The following RDX variants were observed in gnomAD, a reference collection of about 807,000 sequenced individuals.
RDX encodes the protein radixin.
Under a neutral mutation model 83.7 loss-of-function variants are expected in RDX, and 32 were observed. That is an observed-to-expected ratio of 0.38 (90% CI 0.29 to 0.51). The LOEUF (loss-of-function observed/expected upper bound fraction) is 0.51, where lower values mean the gene tolerates loss of function less well. RDX is among the 20% of genes least tolerant of loss of function. The probability of loss-of-function intolerance (pLI) is 0.87; values close to 1 mark genes in which losing one functional copy is unlikely to be tolerated. For missense variants in RDX, 600 were observed against 689.9 expected, an observed-to-expected ratio of 0.87 and a Z score of 1.46; for synonymous variants, 229 against 222.7, an observed-to-expected ratio of 1.03 and a Z score of -0.25.
At chr11:110,293,911 T>C (rs552739179) in intron 1 of RDX, among the ~76,000 whole-genome samples, 87 of 152,362 alleles carry the variant, frequency 5.7e-4, no homozygotes, top group Non-Finnish European at 9.1e-4. Flanking sequence ...TTTTAAACAT[T>C]AGTAGCATAA....
intron 15 of RDX, among the ~76,000 whole-genome samples, chr11:110,176,783 T>C (rs1862782186): frequency 2.0e-5 from 3 of 152,192 alleles, no homozygotes; most frequent in African/African-American, 7.2e-5. Context: ...CCACAGCTTG[T>C]GCTCCTTGAA....
chr11:110,186,182 C>G (rs12419087), intron 15 of RDX, among the ~76,000 whole-genome samples: 73,685 of 151,978 alleles, frequency 0.48, 17,992 homozygotes, highest in East Asian at 0.61. Context: ...GCAATTCACG[C>G]GTGAAGAAAA....
Position 110,247,716 on chromosome 11 carries a change from A to G in RDX, c.1077T>C (p.Ile359=), listed in dbSNP as rs780179701. The G allele has an allele frequency of 6.2e-5, 100 of 1,612,098 alleles. No homozygotes were observed. In the Middle Eastern group the frequency reaches 9.9e-4, roughly 16 times the overall value. ...ERLKQIEEQT[I]KAQKELEEQT... ...AGAAACTTTTACCTTTCTGAGCTTT[A>G]ATTGTCTGCTCTTCAATTTGTTTTA... is the stretch of plus-strand genomic sequence containing the variant. The change falls in exon 10 of 14, where the codon ATT becomes ATC. Residue 359 remains isoleucine (I), a synonymous_variant. Coordinates refer to ENST00000645495, the MANE Select transcript of RDX (RefSeq NM_002906.4).
downstream of RDX, among the ~76,000 whole-genome samples, chr11:110,225,879 T>C (rs954779673): frequency 6.7e-6 from 1 of 150,340 alleles, no homozygotes; most frequent in Non-Finnish European, 1.5e-5. Flanking sequence ...AAATCCTGTC[T>C]CTACTAAAAA....
chr11:110,180,026 T>G (rs1381143555), intron 15 of RDX: 1 of 312,454 alleles, frequency 3.2e-6, no homozygotes, highest in Non-Finnish European at 6.2e-6. Flanking sequence ...CTCAGCCTCC[T>G]GAGTAGCTGG....
rs145338402 is a variant in RDX, at chr11:110,270,182, C to T, written c.96+2354G>A. ...TGGGGATACATTCTGAGAAATGCAT[C>T]GTTAGACAATTGCATCATCGTATGA... On this transcript the variant is annotated intron_variant, in intron 3 of 13. Transcript: ENST00000645495. Among the ~76,000 whole-genome samples the T allele has an allele frequency of 7.4e-3, 1,121 of 151,398 alleles. 1 individual carries two copies. Among genetic ancestry groups the T allele is most frequent in the Non-Finnish European group, 0.011 (742 of 67,898 alleles).
intron 2 of RDX, among the ~76,000 whole-genome samples, chr11:110,278,682 A>G (rs1860616867): frequency 6.6e-6 from 1 of 152,146 alleles, no homozygotes; most frequent in African/African-American, 2.4e-5. Context: ...ATCTGCAAAT[A>G]GGAAATTTTC....
intron 14 of RDX, among the ~76,000 whole-genome samples, chr11:110,207,809 A>G (rs147163719): frequency 2.0e-5 from 3 of 152,246 alleles, no homozygotes; most frequent in East Asian, 3.9e-4. Flanking sequence ...CAAAGTCCAA[A>G]ATGTTTAGTA....
chr11:110,289,026 T>C (rs930382285), intron 1 of RDX, among the ~76,000 whole-genome samples: 1 of 151,896 alleles, frequency 6.6e-6, no homozygotes. Context: ...TCACCTGAGG[T>C]TGGGAGTTCG....
intron 14 of RDX, among the ~76,000 whole-genome samples, chr11:110,220,517 CTCT>C (rs1324961024): frequency 6.6e-6 from 1 of 152,068 alleles, no homozygotes; most frequent in Admixed American, 6.5e-5. Flanking sequence ...CCAAAGATTT[CTCT>C]TATTTTTTTT....
rs1238291398 is a variant in RDX, at chr11:110,242,458, T to TA, written c.1091-4807dup. Among the ~76,000 whole-genome samples the TA allele has an allele frequency of 3.9e-3, 495 of 126,016 alleles. 4 individuals are homozygous for TA. The highest frequency in any genetic ancestry group is 4.3e-3 in the Non-Finnish European group (252 of 58,094). 82.7% of individuals were successfully genotyped at this position (126,016 alleles called of 152,430 possible). A position where few individuals can be genotyped will look rare whatever the true frequency, so the allele number is the denominator to read the frequency against. The stretch of plus-strand genomic sequence containing the variant: ...TCAAAAAATTTAAAAAAAAAAAAAT[T>TA]AAAAAAAAAAAAAGCCAAAAACCTC... On this transcript the variant is annotated intron_variant, in intron 10 of 13. Coordinates refer to ENST00000645495, the MANE Select transcript of RDX (RefSeq NM_002906.4).
chr11:110,232,063 A>T (rs1864659373), intron 13 of RDX, 30 bp from the exon 14 acceptor site: 1 of 1,559,416 alleles, frequency 6.4e-7, no homozygotes, highest in Non-Finnish European at 8.8e-7. Flanking sequence ...TACAACTATT[A>T]TTTTTTTCTT....
intron 15 of RDX, among the ~76,000 whole-genome samples, chr11:110,187,122 A>G (rs73553549): frequency 0.058 from 8,885 of 152,232 alleles, 867 homozygotes; most frequent in African/African-American, 0.2. Flanking sequence ...ATGTGTAATT[A>G]CTGGGTGCCT....
At chr11:110,218,147 A>G (rs905299145) in intron 14 of RDX, among the ~76,000 whole-genome samples, 3 of 152,208 alleles carry the variant, frequency 2.0e-5, no homozygotes, top group African/African-American at 7.2e-5. Flanking sequence ...CCAACGTGTC[A>G]GATTTAGACA....
At chr11:110,201,523 G>A (rs989182289) in intron 14 of RDX, among the ~76,000 whole-genome samples, 26 of 139,670 alleles carry the variant, frequency 1.9e-4, no homozygotes, top group African/African-American at 5.7e-4. Flanking sequence ...ACCAGGTGGC[G>A]GCATGAGATT....
At chr11:110,266,736 G>GT (rs934046144) in intron 3 of RDX, among the ~76,000 whole-genome samples, 117 of 150,934 alleles carry the variant, frequency 7.8e-4, no homozygotes, top group Middle Eastern at 6.8e-3. Flanking sequence ...CCTAGTTAAT[G>GT]TTTTTTTTTG....
intron 14 of RDX, among the ~76,000 whole-genome samples, chr11:110,216,813 G>C (rs1304057100): frequency 3.9e-5 from 6 of 152,086 alleles, no homozygotes; most frequent in Non-Finnish European, 8.8e-5. Context: ...CCACTGCACT[G>C]AAATAGCTGA....
intron 1 of RDX, among the ~76,000 whole-genome samples, chr11:110,281,433 G>C (rs960557819): frequency 6.6e-6 from 1 of 151,682 alleles, no homozygotes; most frequent in African/African-American, 2.4e-5. Flanking sequence ...GGGTTCAAGC[G>C]ATTCTCCTGC....
chr11:110,272,693 TATTA>T (rs1860354519), intron 2 of RDX, 74 bp from the exon 3 acceptor site: 1 of 977,100 alleles, frequency 1.0e-6, no homozygotes, highest in Admixed American at 2.0e-5. Context: ...TGATTTTCTT[TATTA>T]AAGTGATAAA....
Sources: allele counts gnomAD v4.1 joint callset (sites outside exome capture counted in the v4.1 genomes callset), GRCh38; gene constraint gnomAD v4.1.1; transcripts MANE v1.5; gene names NCBI Gene and HGNC (gene_info 2026-07-23, HGNC 2026-07-21).